The following DLGAP1 variants were observed in gnomAD, a reference collection of about 807,000 sequenced individuals.
DLGAP1 encodes DLG associated protein 1.
In DLGAP1, 11 loss-of-function variants were observed where a neutral mutation model predicts 90.8. The observed-to-expected ratio is 0.12, with a 90% confidence interval of 0.08 to 0.20. The LOEUF (loss-of-function observed/expected upper bound fraction) is 0.20. DLGAP1 is among the 10% of genes least tolerant of loss of function. The probability of loss-of-function intolerance (pLI) is 1.00; values close to 1 mark genes in which losing one functional copy is unlikely to be tolerated. For missense variants in DLGAP1, 1,050 were observed against 1,333.8 expected (o/e 0.79, Z 3.31); for synonymous variants, 558 against 540.7 (o/e 1.03, Z -0.44).
At position 4,341,635 on chromosome 18, in the gene DLGAP1, C is replaced by G. The variant is rs573703491; in HGVS notation, c.-267+113371G>C. On this transcript the variant is annotated intron_variant, in intron 1 of 12. Coordinates refer to ENST00000315677, the MANE Select transcript of DLGAP1 (RefSeq NM_004746.4). ...TGTCTCCCGCTTCTACAAACCTATC[C>G]CCACCCTACACCTGTCTTTTCCAAG... Among the ~76,000 whole-genome samples the G allele has an allele frequency of 7.2e-5, 11 of 152,176 alleles. No individual in the cohort carries two copies. The East Asian group carries it at 2.1e-3, about 29-fold the overall frequency.
intron 5 of DLGAP1, among the ~76,000 whole-genome samples, chr18:3,787,417 G>A (rs1030507754): frequency 2.7e-5 from 4 of 147,966 alleles, no homozygotes; most frequent in African/African-American, 1.0e-4. Flanking sequence ...GGAGGCGGAA[G>A]TTGCAGTGAG....
At chr18:4,423,168 C>A (rs970567763) in intron 1 of DLGAP1, among the ~76,000 whole-genome samples, 2 of 152,066 alleles carry the variant, frequency 1.3e-5, no homozygotes, top group Non-Finnish European at 2.9e-5. Flanking sequence ...CAATTCTTCC[C>A]AAAGCAATAA....
chr18:4,163,995 C>G (rs988846616), intron 1 of DLGAP1, among the ~76,000 whole-genome samples: 1 of 152,156 alleles, frequency 6.6e-6, no homozygotes, highest in Non-Finnish European at 1.5e-5. Flanking sequence ...TGAAAATTCA[C>G]TCAGCTCACT....
At chr18:3,523,685 A>C (rs566459879) in intron 10 of DLGAP1, among the ~76,000 whole-genome samples, 4 of 152,110 alleles carry the variant, frequency 2.6e-5, no homozygotes, top group Admixed American at 6.5e-5. Flanking sequence ...GTCTCTACTA[A>C]AAATACAAAA....
At chr18:4,314,922 C>T (rs2080489126) in intron 1 of DLGAP1, among the ~76,000 whole-genome samples, 1 of 152,122 alleles carries the variant, frequency 6.6e-6, no homozygotes, top group Non-Finnish European at 1.5e-5. Flanking sequence ...TGTTATTGCT[C>T]CCAGGTTTAC....
intron 2 of DLGAP1, among the ~76,000 whole-genome samples, chr18:4,019,304 A>C (rs1056351727): frequency 6.6e-6 from 1 of 152,124 alleles, no homozygotes; most frequent in Non-Finnish European, 1.5e-5. Context: ...GTTAATTTCA[A>C]AGATGCTTTA....
At position 3,879,153 on chromosome 18, in the gene DLGAP1, A is replaced by T. The variant is rs769080141; in HGVS notation, c.916T>A (p.Ser306Thr). The change falls in exon 4 of 13, where the codon TCC (serine) becomes ACC (threonine). Residue 306 changes from serine (S) to threonine (T), a missense_variant. Ser to Thr is a moderately conservative substitution (Grantham distance 58). Transcript: ENST00000315677. The surrounding 1 kb of genome is among the most constrained non-coding windows in gnomAD (Gnocchi z 6.6). ...GAGCGTTCTTGCTGACACGACTCGGACTTCACCATGGCCTGGTCCATGTTC... is the reference window on the plus strand; with the variant it reads ...GAGCGTTCTTGCTGACACGACTCGGTCTTCACCATGGCCTGGTCCATGTTC... ...SVNMDQAMVK[S>T]ESCQQERSCQ... 7 of 1,509,376 alleles carry T rather than the reference A, an allele frequency of 4.6e-6. No homozygotes were observed. The East Asian group carries it at 1.6e-4, about 35-fold the overall frequency. 93.5% of individuals were successfully genotyped at this position (1,509,376 alleles called of 1,614,324 possible). A position where few individuals can be genotyped will look rare whatever the true frequency, so the allele number is the denominator to read the frequency against.
At chr18:3,644,666 G>T (rs1164301788) in intron 7 of DLGAP1, among the ~76,000 whole-genome samples, 1 of 152,146 alleles carries the variant, frequency 6.6e-6, no homozygotes, top group African/African-American at 2.4e-5. Flanking sequence ...ACCCGCCTCG[G>T]CCTCCCAAAG....
chr18:4,183,120 T>C (rs1220474743), intron 1 of DLGAP1, among the ~76,000 whole-genome samples: 1 of 152,128 alleles, frequency 6.6e-6, no homozygotes, highest in East Asian at 1.9e-4. Flanking sequence ...AACAGCTTTT[T>C]AGGAAGAAAA....
At chr18:3,816,707 G>A (rs1354372646) in intron 4 of DLGAP1, among the ~76,000 whole-genome samples, 4 of 152,168 alleles carry the variant, frequency 2.6e-5, no homozygotes, top group African/African-American at 9.7e-5. Flanking sequence ...TTACAAATGA[G>A]GACACTAAAG....
intron 1 of DLGAP1, among the ~76,000 whole-genome samples, chr18:4,309,813 T>C (rs1387949869): frequency 1.3e-5 from 2 of 152,164 alleles, no homozygotes; most frequent in Non-Finnish European, 2.9e-5. Flanking sequence ...AATGGGGGCA[T>C]TAATAGTCAA....
chr18:4,341,346 C>A (rs1056500604), intron 1 of DLGAP1, among the ~76,000 whole-genome samples: 8 of 152,010 alleles, frequency 5.3e-5, no homozygotes, highest in Non-Finnish European at 1.2e-4. Flanking sequence ...GTCTCTGAAG[C>A]CTTCCTAACA....
In DLGAP1 at chr18:4,246,186, G is replaced by A. The variant is rs370583441; in HGVS notation, c.-266-94899C>T. Among the ~76,000 whole-genome samples the A allele has an allele frequency of 5.0e-4, 76 of 152,112 alleles. 1 individual carries two copies. In the Middle Eastern group the frequency reaches 0.017, roughly 34 times the overall value. On this transcript the variant is annotated intron_variant, in intron 1 of 12. Coordinates refer to ENST00000315677, the MANE Select transcript of DLGAP1 (RefSeq NM_004746.4). ...CAGCATGACAGAATTATAAAATGTG[G>A]TAAAATGTAATTAGGTTTTATGAAG...
intron 1 of DLGAP1, among the ~76,000 whole-genome samples, chr18:4,230,065 G>A (rs143163352): frequency 0.017 from 2,594 of 152,142 alleles, 30 homozygotes; most frequent in Non-Finnish European, 0.024. Context: ...TCTATGAAAT[G>A]CAAATTAAAA....
rs918821881 is a variant in DLGAP1 at position 3,530,870 on chromosome 18, C to T, written c.2479+3324G>A. Among the ~76,000 whole-genome samples the T allele has an allele frequency of 2.6e-5, 4 of 152,100 alleles. No individual in the cohort carries two copies. In the East Asian group the frequency reaches 7.7e-4, roughly 29 times the overall value. On this transcript the variant is annotated intron_variant, in intron 10 of 12. Coordinates refer to ENST00000315677, the MANE Select transcript of DLGAP1 (RefSeq NM_004746.4). ...ACCCATTTATGGGTTTTACAGAAAC[C>T]CGTTAATGAATTTCCTAACTTGCCC...
intron 1 of DLGAP1, among the ~76,000 whole-genome samples, chr18:4,218,551 A>G (rs992506130): frequency 2.6e-5 from 4 of 151,982 alleles, no homozygotes; most frequent in East Asian, 1.9e-4. Flanking sequence ...TGTGCAATAG[A>G]TCACTAAAGC....
intron 1 of DLGAP1, among the ~76,000 whole-genome samples, chr18:4,306,106 G>C (rs1297430321): frequency 6.6e-6 from 1 of 151,298 alleles, no homozygotes. Flanking sequence ...GAGAGAGGGA[G>C]AGAAATTAAA....
chr18:4,446,822 C>T (rs1337819966), intron 1 of DLGAP1, among the ~76,000 whole-genome samples: 2 of 152,032 alleles, frequency 1.3e-5, no homozygotes, highest in African/African-American at 2.4e-5. Flanking sequence ...AATATATAAA[C>T]AGCTCTTACA....
Position 4,302,904 on chromosome 18 carries a change from T to TA in DLGAP1, c.-266-151618dup, listed in dbSNP as rs540900196. ...TCTTCAATTTCTTTCCTTAATATTT[T>TA]AGAGTTTCCAGTGTTTATTTCTTTT... On this transcript the variant is annotated intron_variant, in intron 1 of 12. Transcript: ENST00000315677. 4.3e-3 allele frequency among the ~76,000 whole-genome samples: 657 copies of TA among 152,334 alleles called. 4 individuals are homozygous for TA. The highest frequency in any genetic ancestry group is 6.6e-3 in the Non-Finnish European group (449 of 68,030).
Sources: gnomAD v4.1 joint callset for allele counts (sites outside exome capture counted in the v4.1 genomes callset) on GRCh38, gnomAD v4.1.1 for gene constraint, Gnocchi (gnomAD v3.1) non-coding constraint, MANE v1.5 for transcripts, NCBI Gene and HGNC (gene_info 2026-07-23, HGNC 2026-07-21) for gene names.